The following FLT1 variants were observed in gnomAD, a reference collection of about 807,000 sequenced individuals.
FLT1 encodes fms related receptor tyrosine kinase 1.
Under a neutral mutation model 156.3 loss-of-function variants are expected in FLT1, and 49 were observed. The ratio of observed to expected loss-of-function variants is 0.31; its 90% CI spans 0.25 to 0.40. The LOEUF (loss-of-function observed/expected upper bound fraction) is 0.40, where lower values mean the gene tolerates loss of function less well. FLT1 is among the 10% of genes least tolerant of loss of function. The probability of loss-of-function intolerance (pLI) is 1.00; values close to 1 mark genes in which losing one functional copy is unlikely to be tolerated. For missense variants in FLT1, 1,322 were observed against 1,637.2 expected (o/e 0.81, Z 3.32); for synonymous variants, 594 against 583.8 (o/e 1.02, Z -0.25).
At chr13:28,396,813 T>C (rs1875077359) in intron 12 of FLT1, 147 bp downstream of exon 12, 1 of 705,938 alleles carries the variant, frequency 1.4e-6, no homozygotes, top group Non-Finnish European at 2.6e-6. Flanking sequence ...ATTCTATTCC[T>C]GAGAGCAAGG....
intron 18 of FLT1, among the ~76,000 whole-genome samples, chr13:28,330,879 A>G (rs565293248): frequency 6.6e-6 from 1 of 151,596 alleles, no homozygotes; most frequent in Non-Finnish European, 1.5e-5. Flanking sequence ...ATGCTTGGCT[A>G]ATTTTTGTAT....
chr13:28,479,404 ATTAAAC>A (rs1880721004), intron 1 of FLT1, among the ~76,000 whole-genome samples: 1 of 152,172 alleles, frequency 6.6e-6, no homozygotes, highest in Admixed American at 6.6e-5. Flanking sequence ...GGACATGTTG[ATTAAAC>A]TGTTATTTTT....
At chr13:28,445,774 C>A (rs967861262) in intron 3 of FLT1, among the ~76,000 whole-genome samples, 1 of 151,996 alleles carries the variant, frequency 6.6e-6, no homozygotes, top group East Asian at 1.9e-4. Context: ...ACAAACTTTT[C>A]CAAAAAATAG....
chr13:28,377,606 G>A (rs961910032), intron 14 of FLT1, among the ~76,000 whole-genome samples: 2 of 152,114 alleles, frequency 1.3e-5, no homozygotes, highest in Non-Finnish European at 2.9e-5. Flanking sequence ...CAGTTTTCTT[G>A]TTCACTGCTG....
intron 15 of FLT1, among the ~76,000 whole-genome samples, chr13:28,348,989 A>G (rs1872653183): frequency 6.6e-6 from 1 of 151,962 alleles, no homozygotes; most frequent in Admixed American, 6.6e-5. Context: ...ATAGACCACC[A>G]CCTCTGTTGC....
chr13:28,320,705 A>G (rs574877595), intron 23 of FLT1, among the ~76,000 whole-genome samples: 1 of 152,230 alleles, frequency 6.6e-6, no homozygotes, highest in East Asian at 1.9e-4. Context: ...GCTCCACCCA[A>G]GAGTTACTGA....
chr13:28,445,406 G>T (rs2137574756), intron 3 of FLT1, among the ~76,000 whole-genome samples: 1 of 152,286 alleles, frequency 6.6e-6, no homozygotes, highest in East Asian at 1.9e-4. Flanking sequence ...AACCCAGGTG[G>T]CAGAGGTTGC....
intron 20 of FLT1, among the ~76,000 whole-genome samples, chr13:28,326,457 C>T (rs1157863107): frequency 6.6e-6 from 1 of 151,828 alleles, no homozygotes; most frequent in African/African-American, 2.4e-5. Flanking sequence ...GTATTGGTGC[C>T]ATATGTCACA....
At chr13:28,311,314 C>A (rs979520077) in intron 27 of FLT1, among the ~76,000 whole-genome samples, 5 of 152,260 alleles carry the variant, frequency 3.3e-5, no homozygotes, top group African/African-American at 1.2e-4. Flanking sequence ...TGCTATTATG[C>A]CTTAAGCCTC....
chr13:28,478,111 T>TAA (rs1250512095), intron 1 of FLT1, among the ~76,000 whole-genome samples: 1 of 152,232 alleles, frequency 6.6e-6, no homozygotes, highest in African/African-American at 2.4e-5. Context: ...GTTGTATTAT[T>TAA]AAGACTAGTA....
chr13:28,336,742 CTTTT>C (rs548520953), intron 17 of FLT1, among the ~76,000 whole-genome samples: 2 of 130,204 alleles, frequency 1.5e-5, no homozygotes. Flanking sequence ...ATTATTCTAA[CTTTT>C]TTTTTTTTTT....
At chr13:28,474,691 A>C (rs57070158) in intron 1 of FLT1, among the ~76,000 whole-genome samples, 32,291 of 152,006 alleles carry the variant, frequency 0.21, 4,303 homozygotes, top group African/African-American at 0.35. Flanking sequence ...ACTGATAATC[A>C]GTATTGGGTT....
chr13:28,492,436 T>G (rs1464990177), intron 1 of FLT1, among the ~76,000 whole-genome samples: 1 of 152,200 alleles, frequency 6.6e-6, no homozygotes, highest in Non-Finnish European at 1.5e-5. Context: ...GACTTGAAAG[T>G]ATCTGAATTA....
At chr13:28,433,091 C>A (rs554956499) in intron 6 of FLT1, among the ~76,000 whole-genome samples, 2 of 152,300 alleles carry the variant, frequency 1.3e-5, no homozygotes, top group South Asian at 4.1e-4. Flanking sequence ...ATTGGGCAAT[C>A]TGAACGACAT....
intron 29 of FLT1, 62 bp from the exon 30 acceptor site, chr13:28,303,430 T>A: frequency 7.1e-7 from 1 of 1,405,444 alleles, no homozygotes; most frequent in Non-Finnish European, 9.9e-7. Context: ...ACAAAGACAC[T>A]AAAATCTACT....
chr13:28,407,762 A>T (rs1362549531), intron 10 of FLT1, among the ~76,000 whole-genome samples: 16 of 152,238 alleles, frequency 1.1e-4, no homozygotes, highest in Non-Finnish European at 1.5e-5. Context: ...AAATAAATGA[A>T]CATTTTAATG....
rs754895045 is a variant in FLT1, at chr13:28,300,516, T to TACACCCAC, written c.*2643_*2650dup. On this transcript the variant is annotated 3_prime_UTR_variant, in exon 30 of 30. Coordinates refer to ENST00000282397, the MANE Select transcript of FLT1 (RefSeq NM_002019.4). Reference sequence around the variant, plus strand: ...TAAATAGTTATGCACAAAACACACATACACCCACACACACACACACACACA... The same window carrying TACACCCAC: ...TAAATAGTTATGCACAAAACACACATACACCCACACACCCACACACACACACACACACA... 0.1 allele frequency: 16,893 copies of TACACCCAC among 168,102 alleles called. 506 individuals carry two copies. The highest frequency in any genetic ancestry group is 0.23 in the East Asian group (3,177 of 13,808). 10.4% of individuals were successfully genotyped at this position (168,102 alleles called of 1,614,324 possible). A position where few individuals can be genotyped will look rare whatever the true frequency, so the allele number is the denominator to read the frequency against.
rs906097482 is a variant in FLT1 at position 28,494,949 on chromosome 13, G to A, written c.-106C>T. The A allele has an allele frequency of 1.2e-6, 1 of 843,734 alleles. No homozygotes were observed. Among genetic ancestry groups the A allele is most frequent in the Non-Finnish European group, 1.7e-6 (1 of 586,208 alleles). 52.3% of individuals were successfully genotyped at this position (843,734 alleles called of 1,614,324 possible). A position where few individuals can be genotyped will look rare whatever the true frequency, so the allele number is the denominator to read the frequency against. ...TTCGCCGCCGCCGGCCCCGCGCCCT[G>A]AGCGCCCGTCTCGCGGCTCCAGCCA... On this transcript the variant is annotated 5_prime_UTR_variant, in exon 1 of 30. Coordinates refer to ENST00000282397, the MANE Select transcript of FLT1 (RefSeq NM_002019.4).
At position 28,322,463 on chromosome 13, in the gene FLT1, T is replaced by G. The variant is rs770227098; in HGVS notation, c.2954-104A>C. 9.9e-6 allele frequency: 8 copies of G among 806,814 alleles called. No individual in the cohort carries two copies. In the South Asian group the frequency reaches 1.1e-4, roughly 11 times the overall value. The allele number at this position is 806,814 out of a possible 1,614,324, so 50.0% of individuals were successfully genotyped here. ...GCAAAACATAAAACAAACCAACAAG[T>G]AGATCAGAGTTCATTTTTAAGAGTA... On this transcript the variant is annotated intron_variant, in intron 21 of 29. Coordinates refer to ENST00000282397, the MANE Select transcript of FLT1 (RefSeq NM_002019.4). This position sits in a 1 kb window ranked among gnomAD's most constrained non-coding sequence, Gnocchi z 4.3.
Sources: allele counts gnomAD v4.1 joint callset (sites outside exome capture counted in the v4.1 genomes callset), GRCh38; gene constraint gnomAD v4.1.1; non-coding constraint Gnocchi (gnomAD v3.1); transcripts MANE v1.5; gene names NCBI Gene and HGNC (gene_info 2026-07-23, HGNC 2026-07-21).